The following MBNL3 variants were observed in gnomAD, a reference collection of about 807,000 sequenced individuals.
MBNL3 encodes the protein muscleblind like splicing regulator 3, also known as muscleblind-like protein 3.
Under a neutral mutation model 24.5 loss-of-function variants are expected in MBNL3, and 6 were observed. The observed-to-expected ratio is 0.25, with a 90% CI of 0.13 to 0.48. The LOEUF (loss-of-function observed/expected upper bound fraction) is 0.48, where lower values mean the gene tolerates loss of function less well. Ranked by LOEUF, MBNL3 falls within the 20% of genes least tolerant of loss-of-function variation. The probability of loss-of-function intolerance (pLI) is 0.99; values close to 1 mark genes in which losing one functional copy is unlikely to be tolerated. For missense variants in MBNL3, 230 were observed against 293.5 expected, an observed-to-expected ratio of 0.78 and a Z score of 1.58; for synonymous variants, 100 against 101.7, an observed-to-expected ratio of 0.98 and a Z score of 0.10.
chrX:132,443,079 G>A (rs1320215374), intron 1 of MBNL3, among the ~76,000 whole-genome samples: 3 of 112,166 alleles, frequency 2.7e-5, no homozygotes, highest in Non-Finnish European at 3.8e-5. Context: ...TGCTTCTTAA[G>A]ATTTATAGTC....
intron 3 of MBNL3, among the ~76,000 whole-genome samples, chrX:132,400,323 CA>C (rs1296516126): frequency 5.4e-5 from 6 of 111,980 alleles, no homozygotes; most frequent in Non-Finnish European, 9.4e-5. Context: ...GCAGATTTCA[CA>C]GTGTCTATTA....
At chrX:132,444,864 G>A (rs183581105) in intron 1 of MBNL3, among the ~76,000 whole-genome samples, 1 of 111,708 alleles carries the variant, frequency 9.0e-6, no homozygotes, top group Admixed American at 9.5e-5. Flanking sequence ...AGTAAAACAA[G>A]AGAAGAAAGA....
intron 1 of MBNL3, among the ~76,000 whole-genome samples, chrX:132,464,678 C>T (rs990801793): frequency 6.2e-5 from 7 of 112,025 alleles, no homozygotes; most frequent in Non-Finnish European, 1.1e-4. Context: ...TGTAACCACA[C>T]AAAAGTCTTA....
At position 132,481,531 on chromosome X, in the gene MBNL3, A is replaced by G. The variant is rs1469146844; in HGVS notation, c.-704+7320T>C. Among the ~76,000 whole-genome samples the G allele has an allele frequency of 2.7e-5, 3 of 112,035 alleles. No homozygotes were observed. The East Asian group carries it at 8.4e-4, about 31-fold the overall frequency. ...CAATATCCCAGAAATCTAGCTTCTTAGAGTTTCTCTCATCATCATCATCAT... is the reference window on the plus strand; with the variant it reads ...CAATATCCCAGAAATCTAGCTTCTTGGAGTTTCTCTCATCATCATCATCAT... On this transcript the variant is annotated intron_variant, in intron 1 of 8. Coordinates refer to ENST00000370853, the MANE Select transcript of MBNL3 (RefSeq NM_001386889.1).
intron 2 of MBNL3, chrX:132,429,951 T>C (rs1944602791): frequency 8.9e-6 from 1 of 111,783 alleles, no homozygotes; most frequent in African/African-American, 3.3e-5. Context: ...AATTTTGAAC[T>C]GAACGTTCTT....
chrX:132,423,442 T>TA (rs1280845372), intron 2 of MBNL3, among the ~76,000 whole-genome samples: 31 of 110,061 alleles, frequency 2.8e-4, no homozygotes. Flanking sequence ...TCCTCACCCC[T>TA]AAAAAAAACA....
At position 132,439,725 on chromosome X, in the gene MBNL3, G is replaced by C; in HGVS notation, c.-114C>G. ...TGCGAAGAGATAACAGGTTGCTTTGGTGAAATGTCTATTTGTTAACACTTA... is the reference window on the plus strand; with the variant it reads ...TGCGAAGAGATAACAGGTTGCTTTGCTGAAATGTCTATTTGTTAACACTTA... On this transcript the variant is annotated 5_prime_UTR_variant, in exon 2 of 9. Coordinates refer to ENST00000370853, the MANE Select transcript of MBNL3 (RefSeq NM_001386889.1). 1 of 1,024,120 alleles carries C rather than the reference G, an allele frequency of 9.8e-7. No individual in the cohort carries two copies. Among genetic ancestry groups the C allele is most frequent in the Non-Finnish European group, 1.3e-6 (1 of 793,928 alleles). 84.4% of individuals were successfully genotyped at this position (1,024,120 alleles called of 1,213,427 possible).
chrX:132,475,592 C>T (rs1228970646), intron 1 of MBNL3, among the ~76,000 whole-genome samples: 1 of 111,962 alleles, frequency 8.9e-6, no homozygotes, highest in African/African-American at 3.3e-5. Flanking sequence ...CCTAGCAGAG[C>T]ATCTGGCACA....
chrX:132,403,594 G>A (rs1941306444), intron 3 of MBNL3, among the ~76,000 whole-genome samples: 1 of 111,737 alleles, frequency 8.9e-6, no homozygotes, highest in Non-Finnish European at 1.9e-5. Context: ...CAAGTGAAGA[G>A]GCTGGAAAGC....
At chrX:132,406,655 C>T (rs1381204192) in intron 2 of MBNL3, among the ~76,000 whole-genome samples, 4 of 111,683 alleles carry the variant, frequency 3.6e-5, no homozygotes, top group African/African-American at 9.8e-5. Flanking sequence ...TTTGGATCCT[C>T]AGCTAATTGA....
At chrX:132,432,708 T>C (rs1327123363) in intron 2 of MBNL3, 2 of 112,026 alleles carry the variant, frequency 1.8e-5, no homozygotes, top group South Asian at 3.7e-4. Context: ...TTACATTGTA[T>C]GTATATACCA....
chrX:132,489,550 G>C (rs1245550524), upstream of MBNL3, among the ~76,000 whole-genome samples: 1 of 111,685 alleles, frequency 9.0e-6, no homozygotes, highest in Non-Finnish European at 1.9e-5. Flanking sequence ...CCGGACGCCA[G>C]ACGTCCCCTC....
intron 2 of MBNL3, 37 bp from the exon 3 acceptor site, chrX:132,406,429 C>T: frequency 8.9e-7 from 1 of 1,124,195 alleles, no homozygotes. Flanking sequence ...TAAATTAAAA[C>T]TATACACAAA....
chrX:132,396,524 A>ATATATATTCATATATATATTCC (rs1569424160), intron 3 of MBNL3, among the ~76,000 whole-genome samples: 1 of 51,540 alleles, frequency 1.9e-5, no homozygotes. Context: ...ATATATTCAT[A>ATATATATTCATATATATATTCC]TATATATTCA....
chrX:132,413,680 C>T, intron 2 of MBNL3: 1 of 952,339 alleles, frequency 1.1e-6, no homozygotes, highest in Non-Finnish European at 1.4e-6. Flanking sequence ...GGCTCGCTAC[C>T]CTGGCAGCCA....
chrX:132,489,838 C>G (rs1029664139), upstream of MBNL3: 1 of 110,911 alleles, frequency 9.0e-6, no homozygotes, highest in Non-Finnish European at 1.9e-5. Context: ...CGCTGCGGGA[C>G]GGGCGGGAAT....
chrX:132,384,706 C>A lies in MBNL3; in HGVS notation c.923-8G>T. 8.6e-7 allele frequency: 1 copy of A among 1,157,353 alleles called. No individual in the cohort carries two copies. Among genetic ancestry groups the A allele is most frequent in the Non-Finnish European group, 1.2e-6 (1 of 864,745 alleles). On this transcript the variant is annotated splice_polypyrimidine_tract_variant and splice_region_variant and intron_variant, in intron 6 of 8. Transcript: ENST00000370853. ...CCATGCACAGTATTGGCCCTGTACACCACGCAGAAAAGCGTGGAAAGTAAA... is the reference window on the plus strand; with the variant it reads ...CCATGCACAGTATTGGCCCTGTACAACACGCAGAAAAGCGTGGAAAGTAAA...
At chrX:132,410,868 G>GAT (rs1227212748) in intron 2 of MBNL3, among the ~76,000 whole-genome samples, 1 of 112,109 alleles carries the variant, frequency 8.9e-6, no homozygotes, top group Non-Finnish European at 1.9e-5. Flanking sequence ...TTATTAGCCA[G>GAT]ATATCGGCAT....
chrX:132,446,084 T>C (rs1469702527), intron 1 of MBNL3, among the ~76,000 whole-genome samples: 2 of 111,999 alleles, frequency 1.8e-5, no homozygotes, highest in Non-Finnish European at 3.8e-5. Flanking sequence ...CTGAGAATGA[T>C]GGTTTCCATC....
Sources: gnomAD v4.1 joint callset for allele counts (sites outside exome capture counted in the v4.1 genomes callset) on GRCh38, gnomAD v4.1.1 for gene constraint, MANE v1.5 for transcripts, NCBI Gene and HGNC (gene_info 2026-07-23, HGNC 2026-07-21) for gene names.